The following DGKH variants were observed in gnomAD, a reference collection of about 807,000 sequenced individuals.
The protein encoded by DGKH is DAG kinase eta.
Under a neutral mutation model 159.3 loss-of-function variants are expected in DGKH, and 90 were observed. The observed-to-expected ratio is 0.57, with a 90% confidence interval of 0.48 to 0.67. The LOEUF (loss-of-function observed/expected upper bound fraction) is 0.67. Among genes scored for constraint, DGKH ranks in the 30% least tolerant of loss-of-function variants. The pLI, the probability that DGKH is intolerant of heterozygous loss-of-function variation, is 0.00. For synonymous variants in DGKH, 536 were observed against 553.8 expected (o/e 0.97, Z 0.45); for missense variants, 1,181 against 1,506.1 (o/e 0.78, Z 3.57).
At chr13:42,207,693 G>GTATATATA (rs368253963) in intron 21 of DGKH, among the ~76,000 whole-genome samples, 32,068 of 125,932 alleles carry the variant, frequency 0.25, 4,582 homozygotes, top group Non-Finnish European at 0.32. Context: ...TTATTAAAGT[G>GTATATATA]TGTATATATA....
chr13:42,074,141 G>T (rs1027504945), intron 1 of DGKH, among the ~76,000 whole-genome samples: 1 of 152,148 alleles, frequency 6.6e-6, no homozygotes, highest in African/African-American at 2.4e-5. Flanking sequence ...TTGTCTTAAG[G>T]TACATAGTGG....
At position 42,166,611 on chromosome 13, in the gene DGKH, G is replaced by A. The variant is rs775245245; in HGVS notation, c.1055G>A (p.Arg352His). ...AATCAGGGAGTAAAGTTCCTCCGTC[G>A]CTTTAAACAGTTGCTAAATCCGGCT... ...GDNQGVKFLR[R>H]FKQLLNPAQV... Residue 352 changes from arginine (R) to histidine (H), a missense_variant, in exon 9 of 30, where the codon CGC becomes CAC. Physicochemically the swap from Arg to His is conservative, Grantham distance 29 (BLOSUM62 0). Transcript: ENST00000337343. 3.7e-6 allele frequency: 6 copies of A among 1,607,468 alleles called. No individual in the cohort carries two copies. In the African/African-American group the frequency reaches 4.0e-5, roughly 11 times the overall value.
exon 1 of DGKH, chr13:42,040,090 G>T (rs566185850): frequency 6.6e-6 from 1 of 152,456 alleles, no homozygotes; most frequent in African/African-American, 2.4e-5. Context: ...CTGGAGCGTA[G>T]CTGGAGTGCG....
intron 1 of DGKH, among the ~76,000 whole-genome samples, chr13:42,065,299 A>G (rs1351105501): frequency 1.3e-5 from 2 of 152,228 alleles, no homozygotes; most frequent in African/African-American, 4.8e-5. Context: ...GCTTTTTATC[A>G]TAGATCTAGC....
intron 1 of DGKH, among the ~76,000 whole-genome samples, chr13:42,068,545 C>T (rs1882745386): frequency 6.6e-6 from 1 of 152,150 alleles, no homozygotes; most frequent in African/African-American, 2.4e-5. Context: ...CTTGAAACTA[C>T]TCATGAATGA....
chr13:42,166,595 G>A lies in DGKH; in HGVS notation c.1039G>A (p.Val347Ile). Residue 347 changes from valine to isoleucine, a missense_variant, in exon 9 of 30, where the codon GTA becomes ATA. By Grantham distance (29) the Val-to-Ile change is conservative. Transcript: ENST00000337343. ...VNSKSGDNQGVKFLRRFKQLL... is the reference protein window; with the variant it reads ...VNSKSGDNQGIKFLRRFKQLL... ...TTCTAAGAGTGGAGATAATCAGGGAGTAAAGTTCCTCCGTCGCTTTAAACA... is the reference window on the plus strand; with the variant it reads ...TTCTAAGAGTGGAGATAATCAGGGAATAAAGTTCCTCCGTCGCTTTAAACA... 5.0e-6 allele frequency: 8 copies of A among 1,609,740 alleles called. No individual in the cohort carries two copies. Among genetic ancestry groups the A allele is most frequent in the Non-Finnish European group, 6.8e-6 (8 of 1,178,116 alleles).
chr13:42,129,792 C>T (rs1955251932), intron 3 of DGKH, among the ~76,000 whole-genome samples, 160 bp downstream of exon 3: 2 of 152,008 alleles, frequency 1.3e-5, no homozygotes, highest in Admixed American at 1.3e-4. Context: ...ATTCTAACAC[C>T]CAGTACCAGT....
chr13:42,127,418 T>C (rs370461472), intron 1 of DGKH, 45 bp from the exon 2 acceptor site: 3 of 1,436,272 alleles, frequency 2.1e-6, no homozygotes, highest in African/African-American at 2.8e-5. Flanking sequence ...CATTTGGTTT[T>C]GAATTTCATT....
downstream of DGKH, among the ~76,000 whole-genome samples, chr13:42,247,213 T>A (rs534881624): frequency 3.3e-5 from 5 of 150,824 alleles, no homozygotes; most frequent in South Asian, 1.0e-3. Context: ...TTTATACATT[T>A]CCTACACTAT....
intron 1 of DGKH, chr13:42,070,494 A>G (rs1882890107): frequency 3.1e-6 from 4 of 1,278,206 alleles, no homozygotes; most frequent in African/African-American, 2.9e-5. Context: ...AGTAAAAGAC[A>G]TGGAGATCTG....
intron 20 of DGKH, 118 bp from the exon 21 acceptor site, chr13:42,205,921 C>A: frequency 2.1e-6 from 1 of 475,422 alleles, no homozygotes; most frequent in Non-Finnish European, 3.4e-6. Context: ...AGAGAGCAGA[C>A]ATTACGAACA....
At chr13:42,219,608 G>GTGTTA in intron 27 of DGKH, 78 bp from the exon 28 acceptor site, 1 of 1,373,060 alleles carries the variant, frequency 7.3e-7, no homozygotes, top group Non-Finnish European at 1.0e-6. Flanking sequence ...ACTTATTCCT[G>GTGTTA]TGTTATCCCT....
At chr13:42,137,748 A>G (rs934737639) in intron 3 of DGKH, among the ~76,000 whole-genome samples, 1 of 152,226 alleles carries the variant, frequency 6.6e-6, no homozygotes, top group Non-Finnish European at 1.5e-5. Flanking sequence ...AATGTTGACT[A>G]AAGAGCTCAC....
chr13:42,112,607 G>A (rs1489327117), intron 1 of DGKH, among the ~76,000 whole-genome samples: 3 of 152,214 alleles, frequency 2.0e-5, no homozygotes, highest in South Asian at 2.1e-4. Flanking sequence ...CAAACTGCTT[G>A]AGAACAACTA....
In DGKH at chr13:42,203,272, G is replaced by T. The variant is rs142824027; in HGVS notation, c.2494-2767G>T. 4.6e-5 allele frequency among the ~76,000 whole-genome samples: 7 copies of T among 152,228 alleles called. No homozygotes were observed. In the East Asian group the frequency reaches 1.3e-3, roughly 29 times the overall value. ...TGAGGTAGGTATTATTATTCAGTTCGGAAGAGTAAAGGCATTGCTTAAGTT... is the reference window on the plus strand; with the variant it reads ...TGAGGTAGGTATTATTATTCAGTTCTGAAGAGTAAAGGCATTGCTTAAGTT... On this transcript the variant is annotated intron_variant, in intron 20 of 29. Transcript: ENST00000337343.
chr13:42,219,734 C>T lies in DGKH; in HGVS notation c.3382C>T (p.Arg1128Ter), dbSNP rs760664885. 9.3e-6 allele frequency: 15 copies of T among 1,613,648 alleles called. No homozygotes were observed. The highest frequency in any genetic ancestry group is 1.3e-5 in the Non-Finnish European group (15 of 1,179,794). The change falls in exon 28 of 30, where the codon CGA becomes TGA. Residue 1128 changes from arginine (R) to a stop codon, truncating the protein, a stop_gained. Transcript: ENST00000337343. LOFTEE classifies it high-confidence loss of function. ...TKRNNRSTVFRIVPKFKKEKV... is the reference protein window; with the variant it reads ...TKRNNRSTVF ...AAGGAACAACAGAAGCACCGTATTT[C>T]GAATAGTGCCAAAGTTTAAAAAGGA...
chr13:42,099,754 G>A (rs1334485794), intron 1 of DGKH, among the ~76,000 whole-genome samples: 1 of 152,192 alleles, frequency 6.6e-6, no homozygotes, highest in Non-Finnish European at 1.5e-5. Flanking sequence ...AGTAGCGCGT[G>A]TGAAGGTGAA....
At chr13:42,171,529 A>G (rs11838895) in intron 11 of DGKH, among the ~76,000 whole-genome samples, 15,342 of 152,222 alleles carry the variant, frequency 0.1, 1,872 homozygotes, top group African/African-American at 0.29. Context: ...GGTGCAAGGA[A>G]CTCAGACATT....
intron 17 of DGKH, among the ~76,000 whole-genome samples, chr13:42,196,559 C>T (rs1263151033): frequency 1.3e-5 from 2 of 152,112 alleles, no homozygotes; most frequent in African/African-American, 2.4e-5. Context: ...ATATGAAATG[C>T]GCAGAATAGT....
Sources: gnomAD v4.1 joint callset for allele counts (sites outside exome capture counted in the v4.1 genomes callset) on GRCh38, gnomAD v4.1.1 for gene constraint, MANE v1.5 for transcripts, NCBI Gene and HGNC (gene_info 2026-07-23, HGNC 2026-07-21) for gene names.